ST6GALNAC3: variants seen among roughly 807,000 people sequenced by gnomAD.
ST6GALNAC3 encodes the protein ST6 N-acetylgalactosaminide alpha-2,6-sialyltransferase 3.
A neutral mutation model predicts 32.7 loss-of-function variants in ST6GALNAC3; 25 were observed. The ratio of observed to expected loss-of-function variants is 0.76; its 90% CI spans 0.56 to 1.07. ST6GALNAC3 has a LOEUF of 1.07. Ranked by LOEUF, ST6GALNAC3 falls within the 50% of genes least tolerant of loss-of-function variation. ST6GALNAC3 has a pLI of 0.00. For synonymous variants in ST6GALNAC3, 129 were observed against 133.1 expected, an observed-to-expected ratio of 0.97 and a Z score of 0.21; for missense variants, 355 against 382.4, an observed-to-expected ratio of 0.93 and a Z score of 0.60.
At chr1:76,401,907 C>T (rs1653448432) in intron 2 of ST6GALNAC3, among the ~76,000 whole-genome samples, 2 of 152,170 alleles carry the variant, frequency 1.3e-5, no homozygotes, top group African/African-American at 2.4e-5. Flanking sequence ...ACAGAGCTCA[C>T]CTATTCCTTC....
chr1:76,296,897 C>A (rs958292505), intron 1 of ST6GALNAC3, among the ~76,000 whole-genome samples: 1 of 151,940 alleles, frequency 6.6e-6, no homozygotes, highest in Non-Finnish European at 1.5e-5. Context: ...GCAGTTGCCC[C>A]ATAAATGTGT....
intron 1 of ST6GALNAC3, among the ~76,000 whole-genome samples, chr1:76,172,596 C>T (rs1040487722): frequency 1.7e-4 from 12 of 70,582 alleles, no homozygotes; most frequent in Middle Eastern, 8.6e-3. Flanking sequence ...CCCATCACCT[C>T]AGCCCAAAAA....
chr1:76,347,366 C>T (rs1043599109), intron 2 of ST6GALNAC3, among the ~76,000 whole-genome samples: 2 of 152,138 alleles, frequency 1.3e-5, no homozygotes, highest in African/African-American at 4.8e-5. Flanking sequence ...CACCCACCCA[C>T]TTACTTACCT....
At chr1:76,196,066 G>T (rs1654187299) in intron 1 of ST6GALNAC3, among the ~76,000 whole-genome samples, 1 of 152,198 alleles carries the variant, frequency 6.6e-6, no homozygotes, top group Admixed American at 6.5e-5. Flanking sequence ...TGTAAAGTGG[G>T]AATATAAGAG....
intron 1 of ST6GALNAC3, among the ~76,000 whole-genome samples, chr1:76,112,366 G>A (rs1227138216): frequency 1.4e-5 from 2 of 146,956 alleles, no homozygotes; most frequent in Non-Finnish European, 3.0e-5. Context: ...TGGCCGGGCG[G>A]GGGGCTGACC....
In ST6GALNAC3 at chr1:76,115,110, C is replaced by T. The variant is rs556075356; in HGVS notation, c.18+40226C>T. On this transcript the variant is annotated intron_variant, in intron 1 of 4. Transcript: ENST00000328299. ...GCATGGTGTGTATTTTGTTGTCTGT[C>T]CTTCAGAATTGGATTTTGTTTTTTC... 2.6e-5 allele frequency among the ~76,000 whole-genome samples: 4 copies of T among 152,128 alleles called. 1 individual carries two copies. Among genetic ancestry groups the T allele is most frequent in the African/African-American group, 9.6e-5 (4 of 41,494 alleles).
At chr1:76,613,690 AG>A (rs895064095) in intron 3 of ST6GALNAC3, among the ~76,000 whole-genome samples, 1 of 152,190 alleles carries the variant, frequency 6.6e-6, no homozygotes, top group African/African-American at 2.4e-5. Context: ...AAAAGTGTGT[AG>A]CCCCTCTTCC....
intron 2 of ST6GALNAC3, among the ~76,000 whole-genome samples, chr1:76,337,486 C>T (rs1318402027): frequency 6.6e-6 from 1 of 152,082 alleles, no homozygotes; most frequent in Non-Finnish European, 1.5e-5. Flanking sequence ...CCAGTGTCCT[C>T]CATTCGGGGG....
chr1:76,512,795 A>G (rs191381748), intron 3 of ST6GALNAC3, among the ~76,000 whole-genome samples: 11 of 152,218 alleles, frequency 7.2e-5, no homozygotes, highest in Admixed American at 1.3e-4. Context: ...CTTTATTTAT[A>G]TACACACAAA....
At chr1:76,404,860 G>A (rs909453441) in intron 2 of ST6GALNAC3, among the ~76,000 whole-genome samples, 3 of 152,076 alleles carry the variant, frequency 2.0e-5, no homozygotes, top group African/African-American at 7.2e-5. Context: ...CATCCTTATG[G>A]TTGAAATGAA....
rs1472207990 is a variant in ST6GALNAC3, at chr1:76,630,413, C to T, written c.*1607C>T. The T allele has an allele frequency of 3.0e-6, 3 of 984,992 alleles. No homozygotes were observed. The African/African-American group carries it at 5.2e-5, about 17-fold the overall frequency. 61.0% of individuals were successfully genotyped at this position (984,992 alleles called of 1,614,324 possible). On this transcript the variant is annotated 3_prime_UTR_variant, in exon 5 of 5. Transcript: ENST00000328299. Reference sequence around the variant, plus strand: ...AAATGAAGGCAGAGAAATATAGTTTCCTTTCCTAGGATTGAGACAATTCTA... The same window carrying T: ...AAATGAAGGCAGAGAAATATAGTTTTCTTTCCTAGGATTGAGACAATTCTA...
intron 2 of ST6GALNAC3, among the ~76,000 whole-genome samples, chr1:76,387,055 A>G (rs1925359): frequency 0.29 from 44,345 of 151,988 alleles, 6,760 homozygotes; most frequent in Admixed American, 0.42. Flanking sequence ...TGCCTAACTT[A>G]ATGAAGAAGA....
intron 1 of ST6GALNAC3, among the ~76,000 whole-genome samples, chr1:76,225,301 G>A (rs1348001877): frequency 6.6e-6 from 1 of 152,162 alleles, no homozygotes; most frequent in Non-Finnish European, 1.5e-5. Context: ...ATATATAGAT[G>A]CAGAAATTTC....
At chr1:76,279,154 A>G (rs556707050) in intron 1 of ST6GALNAC3, among the ~76,000 whole-genome samples, 1 of 152,328 alleles carries the variant, frequency 6.6e-6, no homozygotes, top group South Asian at 2.1e-4. Flanking sequence ...TGCTTCCCCT[A>G]GACTGCATTT....
At chr1:76,157,143 A>T (rs1302425764) in intron 1 of ST6GALNAC3, among the ~76,000 whole-genome samples, 1 of 121,764 alleles carries the variant, frequency 8.2e-6, no homozygotes, top group Non-Finnish European at 2.1e-5. Flanking sequence ...GCAAGAAAAC[A>T]TGTGCATGTG....
chr1:76,531,275 G>C (rs1340460994), intron 3 of ST6GALNAC3, among the ~76,000 whole-genome samples: 2 of 152,162 alleles, frequency 1.3e-5, no homozygotes, highest in Non-Finnish European at 2.9e-5. Flanking sequence ...GTTTTTATTA[G>C]CATGTGTAAA....
At chr1:76,380,914 T>G (rs975348045) in intron 2 of ST6GALNAC3, among the ~76,000 whole-genome samples, 3 of 152,116 alleles carry the variant, frequency 2.0e-5, no homozygotes, top group Admixed American at 1.3e-4. Flanking sequence ...ATGGCATGAA[T>G]GTTTAAGGAC....
At chr1:76,370,159 A>C (rs1650705202) in intron 2 of ST6GALNAC3, among the ~76,000 whole-genome samples, 1 of 152,166 alleles carries the variant, frequency 6.6e-6, no homozygotes, top group South Asian at 2.1e-4. Context: ...TGCACTAGGA[A>C]GCTACTTCAT....
At chr1:76,562,885 CT>C (rs1665328800) in intron 3 of ST6GALNAC3, among the ~76,000 whole-genome samples, 1 of 152,050 alleles carries the variant, frequency 6.6e-6, no homozygotes, top group Non-Finnish European at 1.5e-5. Context: ...AGACCAAGCC[CT>C]CATGTGGTGT....
Sources: gnomAD v4.1 joint callset for allele counts (sites outside exome capture counted in the v4.1 genomes callset) on GRCh38, gnomAD v4.1.1 for gene constraint, MANE v1.5 for transcripts, NCBI Gene and HGNC (gene_info 2026-07-23, HGNC 2026-07-21) for gene names.